Variants in ME3 observed in about 807,000 individuals in gnomAD.
ME3 encodes the protein malic enzyme 3.
ME3 carries 48 observed loss-of-function variants against 68.9 expected under a neutral mutation model. The observed-to-expected ratio is 0.70, with a 90% CI of 0.55 to 0.89. The LOEUF (loss-of-function observed/expected upper bound fraction) is 0.89. Among genes scored for constraint, ME3 ranks in the 40% least tolerant of loss-of-function variants. The pLI, the probability that ME3 is intolerant of heterozygous loss-of-function variation, is 0.00. For synonymous variants in ME3, 320 were observed against 318.8 expected (o/e 1.00, Z -0.04); for missense variants, 675 against 797.4 (o/e 0.85, Z 1.85).
chr11:86,450,718 G>C (rs1949580133), intron 8 of ME3, among the ~76,000 whole-genome samples: 1 of 152,160 alleles, frequency 6.6e-6, no homozygotes, highest in Non-Finnish European at 1.5e-5. Flanking sequence ...AAAGAAGCAT[G>C]AGCCTCATAG....
intron 6 of ME3, among the ~76,000 whole-genome samples, chr11:86,491,773 C>T (rs1355224764): frequency 2.6e-5 from 4 of 151,716 alleles, no homozygotes; most frequent in Non-Finnish European, 5.9e-5. Context: ...TACAGGATGC[C>T]CAGTTAAATT....
At chr11:86,516,722 G>A (rs1953930274) in intron 4 of ME3, among the ~76,000 whole-genome samples, 1 of 152,112 alleles carries the variant, frequency 6.6e-6, no homozygotes, top group African/African-American at 2.4e-5. Context: ...TATTGTATGT[G>A]TACTCAGGAG....
chr11:86,536,712 G>A (rs940297736), intron 4 of ME3, among the ~76,000 whole-genome samples: 2 of 148,380 alleles, frequency 1.3e-5, no homozygotes, highest in Non-Finnish European at 3.0e-5. Context: ...TTCAACCATT[G>A]TGGAAGTCAG....
chr11:86,550,819 A>G (rs1286293402), intron 4 of ME3, among the ~76,000 whole-genome samples: 2 of 152,030 alleles, frequency 1.3e-5, no homozygotes, highest in Non-Finnish European at 2.9e-5. Context: ...GGATCTCTCC[A>G]TTTACTGGGG....
intron 4 of ME3, among the ~76,000 whole-genome samples, chr11:86,511,216 T>C (rs1953501032): frequency 6.6e-6 from 1 of 152,252 alleles, no homozygotes; most frequent in African/African-American, 2.4e-5. Flanking sequence ...AGTGATGTTC[T>C]TGAAATCAAT....
chr11:86,658,161 G>T (rs1946035430), intron 2 of ME3, among the ~76,000 whole-genome samples: 1 of 150,424 alleles, frequency 6.6e-6, no homozygotes, highest in Non-Finnish European at 1.5e-5. Context: ...ATCTCATGCT[G>T]TCGCCCAGGC....
chr11:86,525,321 C>T (rs2139217777), intron 4 of ME3, among the ~76,000 whole-genome samples: 1 of 152,074 alleles, frequency 6.6e-6, no homozygotes. Context: ...AAGTTTCTAA[C>T]AGAAACTTTT....
At chr11:86,459,197 A>G (rs1364274311) in intron 8 of ME3, among the ~76,000 whole-genome samples, 1 of 152,226 alleles carries the variant, frequency 6.6e-6, no homozygotes, top group East Asian at 1.9e-4. Context: ...TGGAGTTGGC[A>G]GAAAACTCAC....
chr11:86,569,547 C>T (rs1452368171), intron 2 of ME3, among the ~76,000 whole-genome samples: 2 of 152,130 alleles, frequency 1.3e-5, no homozygotes, highest in African/African-American at 4.8e-5. Flanking sequence ...GTTGTAACTA[C>T]TAGATAATAA....
rs775377635 is a variant in ME3 at position 86,559,725 on chromosome 11, C to T, written c.282G>A (p.Met94Ile). Residue 94 changes from methionine (M) to isoleucine (I), a missense_variant, in exon 3 of 15, where the codon ATG becomes ATA. By Grantham distance (10) the Met-to-Ile change is conservative. Transcript: ENST00000543262. ...CACTCTGCTGCCGCTCGTAATATCT[C>T]ATGATTCGGAGGAGCTGGACGTCCT... is the stretch of plus-strand genomic sequence containing the variant. 1 of 1,613,830 alleles carries T rather than the reference C, an allele frequency of 6.2e-7. No homozygotes were observed. Among genetic ancestry groups the T allele is most frequent in the Non-Finnish European group, 8.5e-7 (1 of 1,179,864 alleles).
chr11:86,498,904 G>C (rs1952539158), intron 5 of ME3, among the ~76,000 whole-genome samples: 1 of 152,170 alleles, frequency 6.6e-6, no homozygotes, highest in South Asian at 2.1e-4. Context: ...TTCTGTGGGA[G>C]CTTCAGTTTG....
chr11:86,626,728 A>T (rs1001920762), intron 2 of ME3, among the ~76,000 whole-genome samples: 5 of 152,212 alleles, frequency 3.3e-5, no homozygotes, highest in African/African-American at 1.2e-4. Flanking sequence ...TATAAAGGTA[A>T]AAACCATTCT....
chr11:86,508,043 T>G (rs1196603870), intron 5 of ME3, among the ~76,000 whole-genome samples: 1 of 152,156 alleles, frequency 6.6e-6, no homozygotes, highest in Non-Finnish European at 1.5e-5. Flanking sequence ...ACAGAAATGT[T>G]TTCTTCTTAA....
chr11:86,567,417 AAG>A (rs1957549353), intron 2 of ME3, among the ~76,000 whole-genome samples: 1 of 152,220 alleles, frequency 6.6e-6, no homozygotes, highest in African/African-American at 2.4e-5. Context: ...CTTATCATAA[AAG>A]AGTGCCAGAG....
intron 2 of ME3, among the ~76,000 whole-genome samples, chr11:86,566,991 G>T (rs1248418987): frequency 6.6e-6 from 1 of 152,048 alleles, no homozygotes; most frequent in African/African-American, 2.4e-5. Flanking sequence ...GCTGAGGCGG[G>T]TGGATCACCT....
chr11:86,644,400 T>G (rs1486767190), intron 2 of ME3, among the ~76,000 whole-genome samples: 1 of 152,136 alleles, frequency 6.6e-6, no homozygotes, highest in Non-Finnish European at 1.5e-5. Context: ...GTGTCCTGCT[T>G]TACAGAGGAT....
intron 7 of ME3, among the ~76,000 whole-genome samples, chr11:86,468,284 C>T (rs182246747): frequency 1.5e-3 from 233 of 152,292 alleles, no homozygotes; most frequent in African/African-American, 5.4e-3. Context: ...ACTATCTTAG[C>T]ACCATCCATT....
At chr11:86,527,863 C>T (rs1954886691) in intron 4 of ME3, among the ~76,000 whole-genome samples, 1 of 152,192 alleles carries the variant, frequency 6.6e-6, no homozygotes, top group African/African-American at 2.4e-5. Context: ...AAGCACTAAA[C>T]ATGGAAAGGA....
At chr11:86,447,267 C>T in intron 11 of ME3, 60 bp from the exon 12 acceptor site, 1 of 1,578,932 alleles carries the variant, frequency 6.3e-7, no homozygotes, top group Non-Finnish European at 8.6e-7. Context: ...CATTCCTCTT[C>T]TGCTGGTGGT....
Sources: gnomAD v4.1 joint callset for allele counts (sites outside exome capture counted in the v4.1 genomes callset) on GRCh38, gnomAD v4.1.1 for gene constraint, MANE v1.5 for transcripts, NCBI Gene and HGNC (gene_info 2026-07-23, HGNC 2026-07-21) for gene names.